Variants in CAST observed in about 807,000 individuals in gnomAD.
The protein encoded by CAST is calpastatin.
Under a neutral mutation model 119.6 loss-of-function variants are expected in CAST, and 76 were observed. The observed-to-expected ratio is 0.64, with a 90% confidence interval of 0.53 to 0.77. The LOEUF (loss-of-function observed/expected upper bound fraction) is 0.77. Among genes scored for constraint, CAST ranks in the 30% least tolerant of loss-of-function variants. The pLI is 0.00. For missense variants in CAST, 953 were observed against 946.5 expected, an observed-to-expected ratio of 1.01 and a Z score of -0.09; for synonymous variants, 319 against 331.6, an observed-to-expected ratio of 0.96 and a Z score of 0.41.
chr5:96,273,138 T>C, the CAST span, among the ~76,000 whole-genome samples: 9 of 152,242 alleles, frequency 5.9e-5, no homozygotes, highest in Non-Finnish European at 1.3e-4. Context: ...GTTTGTTTTT[T>C]AAATGAGAAC....
Position 96,774,482 on chromosome 5 carries a change from A to G in CAST, c.*1866A>G. 5.1e-6 allele frequency: 5 copies of G among 984,768 alleles called. No individual in the cohort carries two copies. Among genetic ancestry groups the G allele is most frequent in the Non-Finnish European group, 6.0e-6 (5 of 827,848 alleles). 61.0% of individuals were successfully genotyped at this position (984,768 alleles called of 1,614,324 possible). A position where few individuals can be genotyped will look rare whatever the true frequency, so the allele number is the denominator to read the frequency against. On this transcript the variant is annotated 3_prime_UTR_variant, in exon 32 of 32. Transcript: ENST00000675179. ...AGAGAGAAAATAATTGCAAATATCC[A>G]CTTAGAGGCAAAGAACAATTTTTTA...
chr5:95,973,763 C>A, the CAST span, among the ~76,000 whole-genome samples: 1 of 152,142 alleles, frequency 6.6e-6, no homozygotes, highest in Non-Finnish European at 1.5e-5. Flanking sequence ...AACATCTCTG[C>A]AAGAAAGAAA....
chr5:96,326,960 G>A, the CAST span, among the ~76,000 whole-genome samples: 52 of 152,176 alleles, frequency 3.4e-4, no homozygotes, highest in African/African-American at 8.2e-4. Context: ...TCTCTGGAAC[G>A]GTTGAAGGGG....
At chr5:96,522,148 C>G (rs1425651037), upstream of CAST, among the ~76,000 whole-genome samples, 1 of 152,052 alleles carries the variant, frequency 6.6e-6, no homozygotes, top group Non-Finnish European at 1.5e-5. Flanking sequence ...AAGGTCAAAC[C>G]TCTGTTTATT....
chr5:96,529,810 C>T (rs1377903264), upstream of CAST: 9 of 438,240 alleles, frequency 2.1e-5, no homozygotes, highest in Admixed American at 4.9e-5. Flanking sequence ...TTCTGTCTTT[C>T]GCCACCCTGT....
At chr5:96,127,747 G>A in the CAST span, among the ~76,000 whole-genome samples, 3 of 152,020 alleles carry the variant, frequency 2.0e-5, no homozygotes, top group East Asian at 5.8e-4. Flanking sequence ...AATGCTGCCA[G>A]TGTTAACACT....
chr5:96,438,332 A>T, the CAST span, among the ~76,000 whole-genome samples: 1 of 152,178 alleles, frequency 6.6e-6, no homozygotes, highest in East Asian at 1.9e-4. Context: ...CCATATTACT[A>T]TTAGCTAAAC....
chr5:96,302,146 C>A, the CAST span, among the ~76,000 whole-genome samples: 2 of 152,158 alleles, frequency 1.3e-5, no homozygotes, highest in African/African-American at 4.8e-5. Context: ...AAGCCCTTGT[C>A]GCTTACAGCT....
At chr5:96,276,506 G>C in the CAST span, among the ~76,000 whole-genome samples, 112 of 152,282 alleles carry the variant, frequency 7.4e-4, no homozygotes, top group African/African-American at 2.6e-3. Flanking sequence ...GAAAAGAACT[G>C]AGATTGAAGA....
chr5:96,425,037 AAAGAAAG>A, the CAST span, among the ~76,000 whole-genome samples: 1 of 141,216 alleles, frequency 7.1e-6, no homozygotes, highest in African/African-American at 2.9e-5. Flanking sequence ...AGAAAGAAAG[AAAGAAAG>A]AAAGAAAGAA....
At chr5:96,658,334 G>GA (rs377398407), upstream of CAST, among the ~76,000 whole-genome samples, 15 of 145,722 alleles carry the variant, frequency 1.0e-4, no homozygotes, top group East Asian at 4.0e-4. Context: ...AAACCAAAAA[G>GA]AAAAAAAAAA....
intron 1 of CAST, among the ~76,000 whole-genome samples, chr5:96,641,758 G>A (rs1747953888): frequency 6.6e-6 from 1 of 152,082 alleles, no homozygotes; most frequent in Admixed American, 6.6e-5. Flanking sequence ...CCAAGTCCCA[G>A]TTTAGGTGTC....
At chr5:96,278,950 G>A in the CAST span, among the ~76,000 whole-genome samples, 3 of 152,154 alleles carry the variant, frequency 2.0e-5, no homozygotes, top group Non-Finnish European at 2.9e-5. Flanking sequence ...CATATAAGCA[G>A]CCACTGTTAG....
the CAST span, among the ~76,000 whole-genome samples, chr5:96,043,256 C>A: frequency 6.6e-6 from 1 of 152,156 alleles, no homozygotes; most frequent in African/African-American, 2.4e-5. Context: ...GAATGCCGAC[C>A]AGTAAGTTGA....
At chr5:96,132,196 G>A in the CAST span, among the ~76,000 whole-genome samples, 1 of 151,990 alleles carries the variant, frequency 6.6e-6, no homozygotes, top group Non-Finnish European at 1.5e-5. Flanking sequence ...GAGGGAAAGA[G>A]GGAAGCAATT....
chr5:96,387,820 C>T, the CAST span, among the ~76,000 whole-genome samples: 1 of 152,176 alleles, frequency 6.6e-6, no homozygotes, highest in African/African-American at 2.4e-5. Flanking sequence ...CCAAAGGGTA[C>T]TCTCCTCTCA....
the CAST span, among the ~76,000 whole-genome samples, chr5:96,509,003 C>T: frequency 6.6e-6 from 1 of 152,164 alleles, no homozygotes. Flanking sequence ...GCGATTTAAA[C>T]AGTTAATACA....
chr5:96,593,882 A>C (rs1047315788), intron 1 of CAST, among the ~76,000 whole-genome samples: 2 of 152,160 alleles, frequency 1.3e-5, no homozygotes, highest in Admixed American at 6.5e-5. Context: ...TGAGAAATAG[A>C]TTTCTGTTGT....
chr5:96,416,290 G>T, the CAST span, among the ~76,000 whole-genome samples: 1 of 152,118 alleles, frequency 6.6e-6, no homozygotes, highest in Admixed American at 6.6e-5. Flanking sequence ...CAGATGAAGG[G>T]CACAAGTATT....
Sources: gnomAD v4.1 joint callset for allele counts (sites outside exome capture counted in the v4.1 genomes callset) on GRCh38, gnomAD v4.1.1 for gene constraint, MANE v1.5 for transcripts, NCBI Gene and HGNC (gene_info 2026-07-23, HGNC 2026-07-21) for gene names.